The following SLC23A2 variants were observed in gnomAD, a reference collection of about 807,000 sequenced individuals.
The protein encoded by SLC23A2 is Na(+)/L-ascorbic acid transporter 2.
Under a neutral mutation model 73.3 loss-of-function variants are expected in SLC23A2, and 36 were observed. The ratio of observed to expected loss-of-function variants is 0.49; its 90% confidence interval spans 0.38 to 0.65. The LOEUF is 0.65. Ranked by LOEUF, SLC23A2 falls within the 30% of genes least tolerant of loss-of-function variation. The pLI, the probability that SLC23A2 is intolerant of heterozygous loss-of-function variation, is 0.00. For synonymous variants in SLC23A2, 343 were observed against 327.3 expected (o/e 1.05, Z -0.52); for missense variants, 507 against 841.6 (o/e 0.60, Z 4.92).
At chr20:4,897,720 T>C (rs907234041) in intron 6 of SLC23A2, among the ~76,000 whole-genome samples, 1 of 152,102 alleles carries the variant, frequency 6.6e-6, no homozygotes, top group African/African-American at 2.4e-5. Flanking sequence ...CCCCAGGCCC[T>C]CCCTTCTGTG....
chr20:4,867,922 T>G, intron 12 of SLC23A2, 47 bp from the exon 13 acceptor site: 1 of 1,104,342 alleles, frequency 9.1e-7, no homozygotes, highest in Non-Finnish European at 1.4e-6. Context: ...AATGGGATAA[T>G]GCATTCACTC....
chr20:4,979,649 G>A (rs1014696105), intron 1 of SLC23A2, among the ~76,000 whole-genome samples: 1 of 152,140 alleles, frequency 6.6e-6, no homozygotes, highest in Admixed American at 6.5e-5. Flanking sequence ...AAAGGTGGCA[G>A]CTGATTGTTC....
At chr20:5,003,297 T>C (rs1272603628), upstream of SLC23A2, among the ~76,000 whole-genome samples, 4 of 151,636 alleles carry the variant, frequency 2.6e-5, no homozygotes, top group African/African-American at 4.9e-5. Context: ...GGCAGGAGAA[T>C]GGCGTGAACC....
intron 2 of SLC23A2, among the ~76,000 whole-genome samples, chr20:4,949,389 G>A (rs749031165): frequency 3.3e-5 from 5 of 151,478 alleles, no homozygotes; most frequent in Admixed American, 6.6e-5. Flanking sequence ...TACTTACATC[G>A]TTTTTACTTT....
intron 2 of SLC23A2, among the ~76,000 whole-genome samples, chr20:4,944,935 TG>T (rs751325914): frequency 6.6e-5 from 10 of 151,926 alleles, no homozygotes; most frequent in Admixed American, 1.3e-4. Context: ...AAAAGACTGT[TG>T]GAACATATGC....
intron 2 of SLC23A2, among the ~76,000 whole-genome samples, chr20:4,954,716 AGAAAG>A (rs1406744550): frequency 1.4e-5 from 2 of 142,876 alleles, no homozygotes; most frequent in African/African-American, 5.7e-5. Context: ...AAAAAAAAAA[AGAAAG>A]AAAGAAAGAA....
In SLC23A2 at chr20:4,956,870, C is replaced by T. The variant is rs1259167529; in HGVS notation, c.-155+13923G>A. Among the ~76,000 whole-genome samples the T allele has an allele frequency of 3.4e-5, 5 of 147,726 alleles. No homozygotes were observed. The East Asian group carries it at 1.0e-3, about 30-fold the overall frequency. ...TTGCCCAGGCTAGAGTGCAATGGCG[C>T]GATCTTGGCTCACTGCAACCTCTGC... is the stretch of plus-strand genomic sequence containing the variant. On this transcript the variant is annotated intron_variant, in intron 2 of 16. Transcript: ENST00000338244.
Position 4,862,090 on chromosome 20 carries a change from A to AG in SLC23A2, c.1487-6dup, listed in dbSNP as rs1711341904. ...GGCCAACAGCTGTGATCATTCCTGG[A>AG]GAAAAACAAACCAGACCACAAGCTC... On this transcript the variant is annotated splice_region_variant and splice_polypyrimidine_tract_variant and intron_variant, in intron 14 of 16. Coordinates refer to ENST00000338244, the MANE Select transcript of SLC23A2 (RefSeq NM_005116.6). The surrounding 1 kb of genome is among the most constrained non-coding windows in gnomAD (Gnocchi z 5.1). The AG allele has an allele frequency of 2.5e-6, 4 of 1,614,070 alleles. No individual in the cohort carries two copies. The highest frequency in any genetic ancestry group is 1.1e-5 in the South Asian group (1 of 91,068).
At chr20:4,908,838 G>A (rs958859933) in intron 4 of SLC23A2, among the ~76,000 whole-genome samples, 3 of 152,220 alleles carry the variant, frequency 2.0e-5, no homozygotes, top group Non-Finnish European at 4.4e-5. Context: ...TCAGGCTGAG[G>A]TATGAGAATT....
intron 6 of SLC23A2, among the ~76,000 whole-genome samples, chr20:4,896,368 G>C (rs1464989466): frequency 1.3e-5 from 2 of 152,154 alleles, no homozygotes; most frequent in Non-Finnish European, 2.9e-5. Flanking sequence ...CTGCTGGTCG[G>C]AGAGGAAGCA....
At chr20:4,959,553 C>T (rs1480156517) in intron 2 of SLC23A2, among the ~76,000 whole-genome samples, 2 of 152,054 alleles carry the variant, frequency 1.3e-5, no homozygotes, top group Non-Finnish European at 2.9e-5. Flanking sequence ...ACTGGAGTGC[C>T]GTAGTACAAT....
chr20:4,970,962 A>C (rs1300584312), intron 1 of SLC23A2, 43 bp from the exon 2 acceptor site: 1 of 152,140 alleles, frequency 6.6e-6, no homozygotes, highest in Non-Finnish European at 1.5e-5. Context: ...TAACAAACCT[A>C]GCAGGAGGTA....
Position 4,862,253 on chromosome 20 carries a change from C to T in SLC23A2, c.1487-168G>A, listed in dbSNP as rs528745920. Among the ~76,000 whole-genome samples, 14 of 152,328 alleles carry T rather than the reference C, an allele frequency of 9.2e-5. No individual in the cohort carries two copies. The East Asian group carries it at 9.6e-4, about 10-fold the overall frequency. ...GTGGGGTCAGACTGTAGCCACCCTG[C>T]GCTCTGAGCCAAATGACCCTCGGCG... On this transcript the variant is annotated intron_variant, in intron 14 of 16. Transcript: ENST00000338244. This position sits in a 1 kb window ranked among gnomAD's most constrained non-coding sequence, Gnocchi z 5.1.
At chr20:4,965,966 C>CAAAAAAAAAAA (rs3055921) in intron 2 of SLC23A2, among the ~76,000 whole-genome samples, 1 of 100,068 alleles carries the variant, frequency 1.0e-5, no homozygotes, top group Non-Finnish European at 1.9e-5. Context: ...GACTCCATCT[C>CAAAAAAAAAAA]AAAAAAAAAA....
At chr20:4,925,265 G>A (rs1932631473) in intron 3 of SLC23A2, among the ~76,000 whole-genome samples, 1 of 152,048 alleles carries the variant, frequency 6.6e-6, no homozygotes, top group Non-Finnish European at 1.5e-5. Context: ...CCTGTGAGTG[G>A]CACACAGTTC....
At chr20:4,896,391 AAC>A (rs1931523310) in intron 6 of SLC23A2, among the ~76,000 whole-genome samples, 1 of 152,144 alleles carries the variant, frequency 6.6e-6, no homozygotes, top group African/African-American at 2.4e-5. Context: ...GGGTGCAGGC[AAC>A]ACACAGCACT....
chr20:4,861,773 A>G (rs960161671), intron 15 of SLC23A2, among the ~76,000 whole-genome samples, 175 bp downstream of exon 15: 1 of 152,212 alleles, frequency 6.6e-6, no homozygotes, highest in Non-Finnish European at 1.5e-5. Context: ...GCCAGCAGGA[A>G]GCCCACAGCG....
chr20:4,958,717 C>T (rs183498296), intron 2 of SLC23A2, among the ~76,000 whole-genome samples: 5 of 151,900 alleles, frequency 3.3e-5, no homozygotes, highest in South Asian at 2.1e-4. Flanking sequence ...TGTGAGCCAC[C>T]GCGCCTGGCT....
chr20:4,937,963 C>T (rs2122956166), intron 2 of SLC23A2, among the ~76,000 whole-genome samples: 1 of 152,240 alleles, frequency 6.6e-6, no homozygotes, highest in African/African-American at 2.4e-5. Context: ...TGGCTGCTCC[C>T]TAGCACACAT....
Sources: gnomAD v4.1 joint callset for allele counts (sites outside exome capture counted in the v4.1 genomes callset) on GRCh38, gnomAD v4.1.1 for gene constraint, Gnocchi (gnomAD v3.1) non-coding constraint, MANE v1.5 for transcripts, NCBI Gene and HGNC (gene_info 2026-07-23, HGNC 2026-07-21) for gene names.